DSE: variants seen among roughly 807,000 people sequenced by gnomAD.
DSE encodes dermatan-sulfate epimerase.
Under a neutral mutation model 84.4 loss-of-function variants are expected in DSE, and 36 were observed. The observed-to-expected ratio is 0.43, with a 90% CI of 0.33 to 0.56. The LOEUF (loss-of-function observed/expected upper bound fraction) is 0.56. Ranked by LOEUF, DSE falls within the 20% of genes least tolerant of loss-of-function variation. The probability of loss-of-function intolerance (pLI) is 0.06; values close to 1 mark genes in which losing one functional copy is unlikely to be tolerated. For synonymous variants in DSE, 410 were observed against 430.1 expected (o/e 0.95, Z 0.58); for missense variants, 862 against 1,169.6 (o/e 0.74, Z 3.84).
At chr6:116,280,650 T>G (rs781005140) in intron 2 of DSE, among the ~76,000 whole-genome samples, 1 of 152,214 alleles carries the variant, frequency 6.6e-6, no homozygotes, top group Non-Finnish European at 1.5e-5. Context: ...TAACGAAGCA[T>G]CTGTCTTTAG....
intron 2 of DSE, among the ~76,000 whole-genome samples, chr6:116,359,672 A>G (rs1441545766): frequency 1.3e-5 from 2 of 152,246 alleles, no homozygotes; most frequent in African/African-American, 4.8e-5. Flanking sequence ...TGTAATACAG[A>G]TCATTAATTT....
chr6:116,406,001 CTTCT>C (rs1772426937), intron 2 of DSE, among the ~76,000 whole-genome samples: 1 of 152,206 alleles, frequency 6.6e-6, no homozygotes, highest in Non-Finnish European at 1.5e-5. Flanking sequence ...TCTAATAATG[CTTCT>C]TTCTAACAAT....
At chr6:116,274,668 C>T (rs1773041231) in intron 2 of DSE, among the ~76,000 whole-genome samples, 1 of 152,016 alleles carries the variant, frequency 6.6e-6, no homozygotes, top group Admixed American at 6.6e-5. Flanking sequence ...ATAACTGTGT[C>T]AATTTGGCAT....
upstream of DSE, chr6:116,370,197 T>A (rs184361765): frequency 0.017 from 4,502 of 271,192 alleles, 103 homozygotes; most frequent in South Asian, 0.063. Flanking sequence ...TCTCTCTCTC[T>A]CACACACACA....
chr6:116,278,529 G>A, intron 2 of DSE: 1 of 1,614,102 alleles, frequency 6.2e-7, no homozygotes, highest in Non-Finnish European at 8.5e-7. Flanking sequence ...AACCAGACTG[G>A]AACCCAAAGG....
rs773416085 is a variant in DSE at position 116,426,607 on chromosome 6, G to A, written c.450G>A (p.Pro150=). 1.1e-4 allele frequency: 172 copies of A among 1,613,750 alleles called. No individual in the cohort carries two copies. Among genetic ancestry groups the A allele is most frequent in the African/African-American group, 1.2e-4 (9 of 74,886 alleles). The change falls in exon 3 of 6, where the codon CCG becomes CCA. Residue 150 remains proline, a synonymous_variant. Coordinates refer to ENST00000644252, the MANE Select transcript of DSE (RefSeq NM_013352.4). The stretch of plus-strand genomic sequence containing the variant: ...AAGATGCTCCTTGGGATGAGGTCCC[G>A]CTTGCTCACTCCCTGGTTGGTTTTG... ...LVKDAPWDEV[P]LAHSLVGFAT...
At chr6:116,259,033 ACAT>A (rs1271014747) in intron 2 of DSE, 13 of 1,506,558 alleles carry the variant, frequency 8.6e-6, no homozygotes. Flanking sequence ...ACTGATGTGC[ACAT>A]CATCAGTGCT....
At chr6:116,434,580 A>G (rs1784039903) in intron 5 of DSE, among the ~76,000 whole-genome samples, 1 of 152,236 alleles carries the variant, frequency 6.6e-6, no homozygotes, top group South Asian at 2.1e-4. Context: ...TAACTACAGG[A>G]TTAATAGGTC....
chr6:116,278,393 C>A, intron 2 of DSE: 1 of 1,265,446 alleles, frequency 7.9e-7, no homozygotes, highest in Non-Finnish European at 1.1e-6. Context: ...CCAAAGGAAA[C>A]AGGGTGCAGA....
At chr6:116,260,807 AT>A (rs1772382142) in intron 2 of DSE, among the ~76,000 whole-genome samples, 1 of 151,932 alleles carries the variant, frequency 6.6e-6, no homozygotes. Context: ...GTGCAGTCTT[AT>A]TTCTGGGTTC....
chr6:116,364,732 C>G (rs1365887549), intron 2 of DSE, among the ~76,000 whole-genome samples: 1 of 151,434 alleles, frequency 6.6e-6, no homozygotes, highest in African/African-American at 2.4e-5. Context: ...CTAATCTTCA[C>G]AATATTTTAT....
At chr6:116,351,579 T>G (rs567058423) in intron 2 of DSE, among the ~76,000 whole-genome samples, 9 of 152,152 alleles carry the variant, frequency 5.9e-5, no homozygotes, top group Non-Finnish European at 1.2e-4. Flanking sequence ...TAACTATTAT[T>G]TTTACCTCAT....
Position 116,433,365 on chromosome 6 carries a change from T to C in DSE, c.933T>C (p.Ile311=), listed in dbSNP as rs1215165595. 6.4e-7 allele frequency: 1 copy of C among 1,551,304 alleles called. No homozygotes were observed. The highest frequency in any genetic ancestry group is 8.7e-7 in the Non-Finnish European group (1 of 1,146,936). The change falls in exon 5 of 6, where the codon ATT becomes ATC. Residue 311 remains isoleucine (I), a synonymous_variant. Coordinates refer to ENST00000644252, the MANE Select transcript of DSE (RefSeq NM_013352.4). ...ILPGFQRTVA[I]ADSNYNWFYG... is the part of the protein sequence containing the mutation. ...TAGGGTTTCAAAGGACTGTGGCTAT[T>C]GCGGACTCAAATTACAACTGGTTTT...
At chr6:116,277,519 T>A (rs1773203438) in intron 2 of DSE, 1 of 152,208 alleles carries the variant, frequency 6.6e-6, no homozygotes, top group Admixed American at 6.5e-5. Flanking sequence ...AGTAGGAAGT[T>A]GGGAAGAAGG....
chr6:116,358,287 A>G (rs2114871399), intron 2 of DSE, among the ~76,000 whole-genome samples: 1 of 152,382 alleles, frequency 6.6e-6, no homozygotes, highest in Non-Finnish European at 1.5e-5. Context: ...GAATAGTAAT[A>G]AATGAAAATG....
At chr6:116,332,820 C>A (rs1446443594) in intron 2 of DSE, among the ~76,000 whole-genome samples, 1 of 151,976 alleles carries the variant, frequency 6.6e-6, no homozygotes, top group Non-Finnish European at 1.5e-5. Context: ...AGTACATCTA[C>A]AAAGTAAATC....
intron 1 of DSE, among the ~76,000 whole-genome samples, chr6:116,372,717 A>G (rs1033447789): frequency 6.6e-6 from 1 of 152,192 alleles, no homozygotes; most frequent in Non-Finnish European, 1.5e-5. Context: ...TTCTAGTAAA[A>G]ATGGAGAAGA....
At chr6:116,339,696 G>A (rs866131041) in intron 2 of DSE, among the ~76,000 whole-genome samples, 7 of 152,174 alleles carry the variant, frequency 4.6e-5, no homozygotes, top group Admixed American at 2.6e-4. Flanking sequence ...AGTGGAATTC[G>A]TATGACTTGG....
At chr6:116,256,048 A>G (rs1327180502) in intron 1 of DSE, 1 of 152,212 alleles carries the variant, frequency 6.6e-6, no homozygotes, top group African/African-American at 2.4e-5. Context: ...GTTTAAATAC[A>G]TTAGATTTTA....
Sources: allele counts gnomAD v4.1 joint callset (sites outside exome capture counted in the v4.1 genomes callset), GRCh38; gene constraint gnomAD v4.1.1; transcripts MANE v1.5; gene names NCBI Gene and HGNC (gene_info 2026-07-23, HGNC 2026-07-21).